The following COL5A2 variants were observed in gnomAD, a reference collection of about 807,000 sequenced individuals.
COL5A2 encodes the protein collagen alpha-2(V) chain.
In COL5A2, 23 loss-of-function variants were observed where a neutral mutation model predicts 208.2. The ratio of observed to expected loss-of-function variants is 0.11; its 90% CI spans 0.08 to 0.16. The LOEUF (loss-of-function observed/expected upper bound fraction) is 0.16. COL5A2 is among the 10% of genes least tolerant of loss of function. The pLI is 1.00. For missense variants in COL5A2, 1,590 were observed against 1,956.4 expected (o/e 0.81, Z 3.53); for synonymous variants, 625 against 628.5 (o/e 0.99, Z 0.08).
At chr2:189,120,948 A>G (rs1687488574) in intron 1 of COL5A2, among the ~76,000 whole-genome samples, 2 of 152,234 alleles carry the variant, frequency 1.3e-5, no homozygotes, top group African/African-American at 4.8e-5. Context: ...ACAAATATTT[A>G]TCTGTTATTT....
chr2:189,364,338 T>A, the COL5A2 span, among the ~76,000 whole-genome samples: 4 of 152,188 alleles, frequency 2.6e-5, no homozygotes, highest in African/African-American at 9.6e-5. Context: ...ACCTTCTGAC[T>A]CTCCCTACAT....
chr2:189,365,021 T>C, the COL5A2 span, among the ~76,000 whole-genome samples: 3,853 of 152,292 alleles, frequency 0.025, 176 homozygotes, highest in African/African-American at 0.088. Flanking sequence ...TTAAAGTATG[T>C]AGCCAAAGAA....
At chr2:189,325,295 C>A in the COL5A2 span, among the ~76,000 whole-genome samples, 39 of 150,678 alleles carry the variant, frequency 2.6e-4, no homozygotes, top group Non-Finnish European at 4.1e-4. Flanking sequence ...TGCACATGTA[C>A]CCTAGAACTT....
At chr2:189,269,424 T>C in the COL5A2 span, among the ~76,000 whole-genome samples, 4 of 152,106 alleles carry the variant, frequency 2.6e-5, no homozygotes, top group African/African-American at 9.7e-5. Context: ...CAATCTCTAG[T>C]TTATTGAGAG....
intron 1 of COL5A2, among the ~76,000 whole-genome samples, chr2:189,178,561 A>C (rs781546936): frequency 6.6e-6 from 1 of 152,068 alleles, no homozygotes; most frequent in African/African-American, 2.4e-5. Flanking sequence ...AACCCTCAAG[A>C]TTAAAGATTT....
intron 1 of COL5A2, among the ~76,000 whole-genome samples, chr2:189,173,264 C>A (rs548694292): frequency 1.0e-3 from 155 of 152,192 alleles, no homozygotes; most frequent in African/African-American, 3.7e-3. Flanking sequence ...GTGAGCCACA[C>A]ACCCAGCCTC....
intron 1 of COL5A2, among the ~76,000 whole-genome samples, chr2:189,121,198 C>G (rs567231301): frequency 6.6e-6 from 1 of 151,458 alleles, no homozygotes; most frequent in Non-Finnish European, 1.5e-5. Context: ...TATTTCCTTT[C>G]TTTAATTTAT....
At chr2:189,274,116 T>A in the COL5A2 span, among the ~76,000 whole-genome samples, 1 of 152,010 alleles carries the variant, frequency 6.6e-6, no homozygotes, top group African/African-American at 2.4e-5. Flanking sequence ...ACCACAAATA[T>A]ATATAATTTT....
the COL5A2 span, among the ~76,000 whole-genome samples, chr2:189,308,603 T>C: frequency 0.17 from 25,817 of 152,090 alleles, 2,314 homozygotes; most frequent in South Asian, 0.21. Context: ...CCTCTGAAGC[T>C]GTTACCAGGA....
chr2:189,111,064 G>T (rs7557945), intron 1 of COL5A2, among the ~76,000 whole-genome samples: 108,427 of 152,084 alleles, frequency 0.71, 39,627 homozygotes, highest in Non-Finnish European at 0.81. Flanking sequence ...CTCAACTGTG[G>T]CAGAAATGCA....
chr2:189,245,254 G>T, the COL5A2 span, among the ~76,000 whole-genome samples: 1 of 151,908 alleles, frequency 6.6e-6, no homozygotes, highest in Admixed American at 6.6e-5. Context: ...TAATTCAACA[G>T]GTCACAATAG....
At chr2:189,287,682 C>T in the COL5A2 span, among the ~76,000 whole-genome samples, 1 of 152,080 alleles carries the variant, frequency 6.6e-6, no homozygotes, top group Non-Finnish European at 1.5e-5. Context: ...TGTTAAATTA[C>T]AAGATTTAGA....
the COL5A2 span, among the ~76,000 whole-genome samples, chr2:189,272,871 G>A: frequency 1.8e-4 from 27 of 152,166 alleles, no homozygotes; most frequent in East Asian, 1.7e-3. Flanking sequence ...TTTCAGAAAC[G>A]AAGAAAACCT....
chr2:189,187,570 T>C (rs1688868209), intron 1 of COL5A2, among the ~76,000 whole-genome samples: 1 of 152,350 alleles, frequency 6.6e-6, no homozygotes, highest in South Asian at 2.1e-4. Context: ...ATAAAACTCT[T>C]GGAACGATTT....
At chr2:189,157,795 AT>A (rs1044598673) in intron 1 of COL5A2, among the ~76,000 whole-genome samples, 6 of 151,992 alleles carry the variant, frequency 3.9e-5, no homozygotes, top group African/African-American at 1.4e-4. Flanking sequence ...ACAACTTAAT[AT>A]TTTTACTATC....
rs1332988061 is a variant in COL5A2, at chr2:189,045,907, C to T, written c.3202G>A (p.Gly1068Ser). The T allele has an allele frequency of 2.5e-6, 4 of 1,612,886 alleles. No homozygotes were observed. The highest frequency in any genetic ancestry group is 3.4e-6 in the Non-Finnish European group (4 of 1,178,932). ...GCAGGCCCAGGGTCTCCACGATCAC[C>T]CTAACAAGAATAACCATGATATTAT... ...PGRDGAVGER[G>S]DRGDPGPAGL... The change falls in exon 46 of 54, where the codon GGT becomes AGT. Residue 1068 changes from glycine (G) to serine (S), a missense_variant and splice_region_variant. Transcript: ENST00000374866.
At chr2:189,425,070 G>A in the COL5A2 span, among the ~76,000 whole-genome samples, 3 of 152,128 alleles carry the variant, frequency 2.0e-5, no homozygotes, top group African/African-American at 2.4e-5. Flanking sequence ...TCAATAAATT[G>A]TATTGGGAAA....
At chr2:189,078,403 A>T in intron 16 of COL5A2, 113 bp downstream of exon 16, 2 of 848,192 alleles carry the variant, frequency 2.4e-6, no homozygotes, top group Non-Finnish European at 3.9e-6. Context: ...AAGAAAAAAA[A>T]AAAAGGTGAC....
chr2:189,061,707 T>A, intron 29 of COL5A2, 92 bp from the exon 30 acceptor site: 1 of 952,394 alleles, frequency 1.0e-6, no homozygotes, highest in Non-Finnish European at 1.7e-6. Flanking sequence ...GATATTTATT[T>A]GTATTTCTTC....
Sources: allele counts gnomAD v4.1 joint callset (sites outside exome capture counted in the v4.1 genomes callset), GRCh38; gene constraint gnomAD v4.1.1; transcripts MANE v1.5; gene names NCBI Gene and HGNC (gene_info 2026-07-23, HGNC 2026-07-21).